ATP10A: variants seen among roughly 807,000 people sequenced by gnomAD.
ATP10A encodes the protein ATPase phospholipid transporting 10A (putative), also known as phospholipid-transporting ATPase VA.
A neutral mutation model predicts 147.8 loss-of-function variants in ATP10A; 111 were observed. The observed-to-expected ratio is 0.75, with a 90% CI of 0.64 to 0.88. The LOEUF is 0.88. Among genes scored for constraint, ATP10A ranks in the 40% least tolerant of loss-of-function variants. The pLI, the probability that ATP10A is intolerant of heterozygous loss-of-function variation, is 0.00. For synonymous variants in ATP10A, 875 were observed against 841.6 expected (o/e 1.04, Z -0.69); for missense variants, 1,927 against 1,959.0 (o/e 0.98, Z 0.31).
intron 1 of ATP10A, among the ~76,000 whole-genome samples, chr15:25,845,012 T>G (rs1892955347): frequency 6.6e-6 from 1 of 152,138 alleles, no homozygotes; most frequent in African/African-American, 2.4e-5. Context: ...TTCCATAAAC[T>G]CCTACCAAAT....
Position 25,724,829 on chromosome 15 carries a change from T to C in ATP10A, c.980-808A>G, listed in dbSNP as rs970542322. On this transcript the variant is annotated intron_variant, in intron 5 of 20. Coordinates refer to ENST00000555815, the MANE Select transcript of ATP10A (RefSeq NM_024490.4). ...CATTACAGTCAGCTCTCAGTATCTG[T>C]GGGTTCCATATCCGTGGATTCAACC... Among the ~76,000 whole-genome samples, 5 of 152,348 alleles carry C rather than the reference T, an allele frequency of 3.3e-5. No individual in the cohort carries two copies. In the South Asian group the frequency reaches 1.0e-3, roughly 32 times the overall value.
At chr15:25,690,556 A>G (rs147736863) in intron 15 of ATP10A, among the ~76,000 whole-genome samples, 332 of 152,212 alleles carry the variant, frequency 2.2e-3, no homozygotes, top group Admixed American at 4.7e-3. Context: ...AATTTTTTCG[A>G]TATTTCTAGG....
At chr15:25,728,732 G>A (rs1377190930) in intron 3 of ATP10A, among the ~76,000 whole-genome samples, 2 of 152,224 alleles carry the variant, frequency 1.3e-5, no homozygotes, top group Non-Finnish European at 2.9e-5. Flanking sequence ...TACATTAAAT[G>A]TTCTTCACTG....
At chr15:25,713,209 G>A (rs933458972) in intron 10 of ATP10A, among the ~76,000 whole-genome samples, 6 of 152,122 alleles carry the variant, frequency 3.9e-5, no homozygotes, top group Admixed American at 6.5e-5. Context: ...TATGAGGGGG[G>A]CTCGGCCCTT....
Position 25,742,856 on chromosome 15 carries a change from G to A in ATP10A, c.655-6715C>T, listed in dbSNP as rs75724714. 1.9e-3 allele frequency among the ~76,000 whole-genome samples: 289 copies of A among 152,306 alleles called. 1 individual carries two copies. Among genetic ancestry groups the A allele is most frequent in the Non-Finnish European group, 3.6e-3 (245 of 68,038 alleles). On this transcript the variant is annotated intron_variant, in intron 2 of 20. Coordinates refer to ENST00000555815, the MANE Select transcript of ATP10A (RefSeq NM_024490.4). ...AACAGGGTGTCCCTGCATGAAACCC[G>A]CCTGCAGCCCCTCTGCTGAGCTATT...
At chr15:25,832,442 C>A (rs1207228830) in intron 1 of ATP10A, among the ~76,000 whole-genome samples, 1 of 152,284 alleles carries the variant, frequency 6.6e-6, no homozygotes, top group Admixed American at 6.5e-5. Flanking sequence ...AAAGTCATCA[C>A]AAAGATCTGT....
chr15:25,701,390 C>T (rs1567312110), intron 13 of ATP10A, among the ~76,000 whole-genome samples: 1 of 152,278 alleles, frequency 6.6e-6, no homozygotes, highest in East Asian at 1.9e-4. Context: ...AGCAGATCAG[C>T]CACAGCAAGA....
At chr15:25,809,559 T>C (rs553007879) in intron 1 of ATP10A, among the ~76,000 whole-genome samples, 1 of 152,186 alleles carries the variant, frequency 6.6e-6, no homozygotes, top group Non-Finnish European at 1.5e-5. Context: ...GTAAAGCCTA[T>C]CTTCAAAGTA....
At chr15:25,775,964 C>T (rs1257407389) in intron 2 of ATP10A, among the ~76,000 whole-genome samples, 1 of 152,310 alleles carries the variant, frequency 6.6e-6, no homozygotes, top group South Asian at 2.1e-4. Flanking sequence ...AGACTTCAAC[C>T]GTCTATCCAA....
chr15:25,757,827 ACCC>A (rs1311336039), intron 2 of ATP10A, among the ~76,000 whole-genome samples: 13 of 148,742 alleles, frequency 8.7e-5, no homozygotes, highest in Admixed American at 4.0e-4. Flanking sequence ...CACCTGCTCC[ACCC>A]TAACTCATTC....
intron 2 of ATP10A, among the ~76,000 whole-genome samples, chr15:25,778,664 G>A (rs560583587): frequency 1.3e-5 from 2 of 152,254 alleles, no homozygotes; most frequent in South Asian, 4.2e-4. Flanking sequence ...TACTTCCTCA[G>A]CATTCCTGGG....
chr15:25,696,690 G>T (rs1357027847), intron 13 of ATP10A, among the ~76,000 whole-genome samples: 1 of 152,254 alleles, frequency 6.6e-6, no homozygotes, highest in Admixed American at 6.5e-5. Context: ...GAACCTGGAC[G>T]TGGGCTCCAA....
intron 3 of ATP10A, among the ~76,000 whole-genome samples, chr15:25,730,299 C>G (rs1449727197): frequency 2.1e-5 from 1 of 47,908 alleles, no homozygotes; most frequent in Non-Finnish European, 3.8e-5. Context: ...GAGACTCTGT[C>G]TCAAAAAAAA....
chr15:25,790,713 T>C (rs575782423), intron 1 of ATP10A, among the ~76,000 whole-genome samples: 2 of 152,362 alleles, frequency 1.3e-5, no homozygotes, highest in East Asian at 1.9e-4. Flanking sequence ...AGTTTTAACA[T>C]GAAACTTTTT....
chr15:25,861,577 G>A (rs1403179267), intron 1 of ATP10A, among the ~76,000 whole-genome samples: 2 of 152,166 alleles, frequency 1.3e-5, no homozygotes, highest in East Asian at 1.9e-4. Context: ...TAAGAGGCAG[G>A]AGCCACTCTG....
intron 2 of ATP10A, among the ~76,000 whole-genome samples, chr15:25,755,089 T>C (rs1481410441): frequency 6.6e-6 from 1 of 152,226 alleles, no homozygotes; most frequent in Non-Finnish European, 1.5e-5. Flanking sequence ...ACTGCCTTTT[T>C]CCCTTGAAAT....
At chr15:25,812,023 G>A (rs1346025685) in intron 1 of ATP10A, among the ~76,000 whole-genome samples, 1 of 152,180 alleles carries the variant, frequency 6.6e-6, no homozygotes, top group African/African-American at 2.4e-5. Flanking sequence ...CCCAGCGCAC[G>A]CTCCCCGTTC....
At chr15:25,677,309 A>T (rs1284120779), downstream of ATP10A, 1 of 152,190 alleles carries the variant, frequency 6.6e-6, no homozygotes, top group Non-Finnish European at 1.5e-5. Context: ...GGATTTCCAT[A>T]ATACTCCCCA....
At chr15:25,723,323 G>A (rs1479942299) in intron 6 of ATP10A, among the ~76,000 whole-genome samples, 1 of 151,088 alleles carries the variant, frequency 6.6e-6, no homozygotes, top group Non-Finnish European at 1.5e-5. Flanking sequence ...ACTCCAGCCT[G>A]GCGACAAAAC....
Sources: gnomAD v4.1 joint callset for allele counts (sites outside exome capture counted in the v4.1 genomes callset) on GRCh38, gnomAD v4.1.1 for gene constraint, MANE v1.5 for transcripts, NCBI Gene and HGNC (gene_info 2026-07-23, HGNC 2026-07-21) for gene names.